The following COX7B2 variants were observed in gnomAD, a reference collection of about 807,000 sequenced individuals.
COX7B2 encodes cytochrome c oxidase subunit 7B2, mitochondrial.
For synonymous variants in COX7B2, 37 were observed against 32.1 expected, an observed-to-expected ratio of 1.15 and a Z score of -0.51; for missense variants, 109 against 95.9, an observed-to-expected ratio of 1.14 and a Z score of -0.57.
intron 2 of COX7B2, among the ~76,000 whole-genome samples, chr4:46,745,936 A>C (rs988827872): frequency 6.6e-5 from 10 of 152,216 alleles, no homozygotes; most frequent in African/African-American, 2.4e-4. Flanking sequence ...TAAGTCTAAA[A>C]GGGCACCCCT....
chr4:46,820,773 A>G (rs1159237421), intron 2 of COX7B2, among the ~76,000 whole-genome samples: 1 of 150,870 alleles, frequency 6.6e-6, no homozygotes, highest in Admixed American at 6.6e-5. Context: ...GTGAGCTGAG[A>G]TCATGCCATT....
intron 2 of COX7B2, among the ~76,000 whole-genome samples, chr4:46,793,621 T>G (rs1718164996): frequency 6.6e-6 from 1 of 152,200 alleles, no homozygotes; most frequent in Non-Finnish European, 1.5e-5. Context: ...AAACACCACA[T>G]AAATGACCAG....
intron 2 of COX7B2, among the ~76,000 whole-genome samples, chr4:46,756,883 C>T (rs1157849605): frequency 6.6e-6 from 1 of 152,022 alleles, no homozygotes; most frequent in African/African-American, 2.4e-5. Flanking sequence ...CTAGGTATTT[C>T]TCAATGAACT....
At chr4:46,793,428 G>T (rs913771632) in intron 2 of COX7B2, among the ~76,000 whole-genome samples, 2 of 152,156 alleles carry the variant, frequency 1.3e-5, no homozygotes, top group Non-Finnish European at 2.9e-5. Flanking sequence ...GATTTAGGCG[G>T]TTTTTTATTA....
intron 2 of COX7B2, among the ~76,000 whole-genome samples, chr4:46,823,697 G>GA (rs1228976098): frequency 6.6e-6 from 1 of 150,874 alleles, no homozygotes; most frequent in African/African-American, 2.4e-5. Context: ...TACAAAAATT[G>GA]AAAAAAATGG....
At chr4:46,766,726 GTC>G (rs1716565409) in intron 2 of COX7B2, among the ~76,000 whole-genome samples, 1 of 144,984 alleles carries the variant, frequency 6.9e-6, no homozygotes, top group Non-Finnish European at 1.5e-5. Flanking sequence ...AAAAAAAAGA[GTC>G]AGGGGAAGGG....
chr4:46,846,436 G>GA (rs1238408172), intron 1 of COX7B2, among the ~76,000 whole-genome samples: 17 of 151,572 alleles, frequency 1.1e-4, no homozygotes, highest in Non-Finnish European at 5.9e-5. Flanking sequence ...ACACAGGAAG[G>GA]AAAAAAAATA....
intron 1 of COX7B2, among the ~76,000 whole-genome samples, chr4:46,884,646 A>T (rs2109855595): frequency 6.6e-6 from 1 of 152,348 alleles, no homozygotes; most frequent in African/African-American, 2.4e-5. Flanking sequence ...GAATACTGTC[A>T]TATTCACATT....
chr4:46,777,013 A>C (rs1717189170), intron 2 of COX7B2, among the ~76,000 whole-genome samples: 1 of 152,146 alleles, frequency 6.6e-6, no homozygotes, highest in Non-Finnish European at 1.5e-5. Flanking sequence ...CTTCCATTGG[A>C]TGCATACTGA....
At chr4:46,796,227 C>T (rs2109604286) in intron 2 of COX7B2, among the ~76,000 whole-genome samples, 1 of 147,258 alleles carries the variant, frequency 6.8e-6, no homozygotes, top group East Asian at 2.0e-4. Context: ...GCCAGAACTT[C>T]CAACACTATG....
intron 2 of COX7B2, among the ~76,000 whole-genome samples, chr4:46,770,404 A>G (rs1306139421): frequency 6.6e-6 from 1 of 152,196 alleles, no homozygotes; most frequent in Non-Finnish European, 1.5e-5. Context: ...AATTGTTAAA[A>G]TGTCCATACT....
intron 2 of COX7B2, among the ~76,000 whole-genome samples, chr4:46,758,167 A>G (rs927425775): frequency 1.3e-5 from 2 of 152,002 alleles, no homozygotes; most frequent in Admixed American, 1.3e-4. Flanking sequence ...GAATTATAAC[A>G]TTGTTCTATA....
At position 46,849,690 on chromosome 4, in the gene COX7B2, A is replaced by AT. The variant is rs201507460; in HGVS notation, c.-104-4677dup. Among the ~76,000 whole-genome samples, 12 of 151,818 alleles carry AT rather than the reference A, an allele frequency of 7.9e-5. No homozygotes were observed. In the South Asian group the frequency reaches 1.5e-3, roughly 18 times the overall value. On this transcript the variant is annotated intron_variant, in intron 1 of 2. Transcript: ENST00000355591. ...CAATTTAATGAATTGGAGACAATGA[A>AT]TTTTTTTTTATTATACTTTAAGTTT...
chr4:46,886,410 T>C (rs1010215256), intron 1 of COX7B2, among the ~76,000 whole-genome samples: 4 of 152,202 alleles, frequency 2.6e-5, no homozygotes, highest in Admixed American at 6.5e-5. Flanking sequence ...TTTGCAATTC[T>C]TTTCTTCTAC....
intron 1 of COX7B2, among the ~76,000 whole-genome samples, chr4:46,852,977 G>A (rs538816715): frequency 6.6e-6 from 1 of 152,310 alleles, no homozygotes; most frequent in South Asian, 2.1e-4. Context: ...ATGTATGTTA[G>A]ATAAGCTTCC....
intron 2 of COX7B2, among the ~76,000 whole-genome samples, chr4:46,805,947 C>T (rs1237505992): frequency 1.3e-5 from 2 of 152,072 alleles, no homozygotes; most frequent in African/African-American, 4.8e-5. Context: ...ACCTGGGATC[C>T]AGGATTTTTT....
intron 2 of COX7B2, among the ~76,000 whole-genome samples, chr4:46,782,929 C>A (rs575899913): frequency 2.6e-5 from 4 of 152,004 alleles, no homozygotes; most frequent in African/African-American, 9.7e-5. Flanking sequence ...CCGTGAGGGT[C>A]CGCGGCTTCA....
intron 2 of COX7B2, among the ~76,000 whole-genome samples, chr4:46,825,325 G>A (rs1303449374): frequency 6.6e-6 from 1 of 151,824 alleles, no homozygotes; most frequent in Non-Finnish European, 1.5e-5. Context: ...CAGCTAACTA[G>A]GTAGGTGAAA....
At chr4:46,772,513 C>T (rs1577687693) in intron 2 of COX7B2, among the ~76,000 whole-genome samples, 1 of 151,896 alleles carries the variant, frequency 6.6e-6, no homozygotes, top group Non-Finnish European at 1.5e-5. Flanking sequence ...GTAATTATTT[C>T]ACAATGTACA....
Sources: gnomAD v4.1 joint callset for allele counts (sites outside exome capture counted in the v4.1 genomes callset) on GRCh38, gnomAD v4.1.1 for gene constraint, MANE v1.5 for transcripts, NCBI Gene and HGNC (gene_info 2026-07-23, HGNC 2026-07-21) for gene names.